EHHADH: variants seen among roughly 807,000 people sequenced by gnomAD.
EHHADH encodes enoyl-CoA hydratase and 3-hydroxyacyl CoA dehydrogenase, also known as peroxisomal bifunctional enzyme.
In EHHADH, 48 loss-of-function variants were observed where a neutral mutation model predicts 64.4. The observed-to-expected ratio is 0.75, with a 90% confidence interval of 0.59 to 0.95. The LOEUF is 0.95. Among genes scored for constraint, EHHADH ranks in the 40% least tolerant of loss-of-function variants. The pLI is 0.00. For missense variants in EHHADH, 854 were observed against 876.6 expected, an observed-to-expected ratio of 0.97 and a Z score of 0.33; for synonymous variants, 308 against 326.7, an observed-to-expected ratio of 0.94 and a Z score of 0.62.
chr3:185,220,795 C>T (rs1344287289), intron 4 of EHHADH, among the ~76,000 whole-genome samples: 4 of 152,210 alleles, frequency 2.6e-5, no homozygotes, highest in African/African-American at 7.2e-5. Flanking sequence ...GTTTCTTCTC[C>T]AACCTGAGTA....
intron 6 of EHHADH, among the ~76,000 whole-genome samples, chr3:185,204,173 C>G (rs1384794029): frequency 4.0e-5 from 6 of 150,512 alleles, no homozygotes; most frequent in African/African-American, 1.5e-4. Context: ...AAAACATTCC[C>G]AGTCTGGAGT....
intron 2 of EHHADH, chr3:185,245,802 T>A: frequency 4.1e-6 from 3 of 733,058 alleles, no homozygotes; most frequent in Non-Finnish European, 7.3e-6. Flanking sequence ...GAAGAAGTTT[T>A]CTTGGTTCCT....
At chr3:185,211,559 GTC>G (rs144431357) in intron 5 of EHHADH, among the ~76,000 whole-genome samples, 66 of 149,514 alleles carry the variant, frequency 4.4e-4, no homozygotes, top group Non-Finnish European at 5.7e-4. Context: ...CAAGGAATCT[GTC>G]TCTCTCTCTC....
rs140291740 is a variant in EHHADH, at chr3:185,201,744, T to TA, written c.910+2671dup. Among the ~76,000 whole-genome samples, 1,110 of 152,292 alleles carry TA rather than the reference T, an allele frequency of 7.3e-3. 13 individuals are homozygous for TA. Among genetic ancestry groups the TA allele is most frequent in the African/African-American group, 0.026 (1,067 of 41,566 alleles). ...TTTCAAAACAATGTGGATATCATTT[T>TA]AAAAAAATACTTCAAACTTTTACAC... On this transcript the variant is annotated intron_variant, in intron 6 of 6. Coordinates refer to ENST00000231887, the MANE Select transcript of EHHADH (RefSeq NM_001966.4).
chr3:185,240,216 T>C (rs1719409890), intron 2 of EHHADH, among the ~76,000 whole-genome samples: 2 of 149,298 alleles, frequency 1.3e-5, no homozygotes, highest in Admixed American at 1.4e-4. Context: ...TATTGGCCTT[T>C]AGTTTTTGTT....
intron 2 of EHHADH, among the ~76,000 whole-genome samples, chr3:185,236,092 C>T (rs980784720): frequency 3.3e-5 from 5 of 152,074 alleles, no homozygotes; most frequent in Admixed American, 3.3e-4. Context: ...GAAAACCACG[C>T]AAAATTAAAA....
At position 185,193,205 on chromosome 3, in the gene EHHADH, G is replaced by A. The variant is rs147222564; in HGVS notation, c.1193C>T (p.Ala398Val). 1.9e-6 allele frequency: 3 copies of A among 1,611,482 alleles called. No homozygotes were observed. Among genetic ancestry groups the A allele is most frequent in the African/African-American group, 1.3e-5 (1 of 74,766 alleles). Residue 398 changes from alanine to valine, a missense_variant, in exon 7 of 7, where the codon GCT (alanine) becomes GTT (valine). Coordinates refer to ENST00000231887, the MANE Select transcript of EHHADH (RefSeq NM_001966.4). ...LKKQVFAELSAVCKPEAFLCT... is the reference protein window; with the variant it reads ...LKKQVFAELSVVCKPEAFLCT... ...CAAAAATGCTTCTGGTTTGCACACA[G>A]CTGAGAGTTCAGCAAAGACCTGCTT... is the stretch of plus-strand genomic sequence containing the variant.
chr3:185,227,449 G>A (rs984544182), intron 4 of EHHADH, among the ~76,000 whole-genome samples: 9 of 149,704 alleles, frequency 6.0e-5, no homozygotes, highest in Admixed American at 2.7e-4. Context: ...GGAGAATTGC[G>A]TGAACTCAGG....
chr3:185,224,836 C>A (rs768268995), intron 4 of EHHADH, among the ~76,000 whole-genome samples: 14 of 152,184 alleles, frequency 9.2e-5, no homozygotes, highest in Non-Finnish European at 1.6e-4. Context: ...TCTTCTCTGA[C>A]CTTCTGCTTC....
chr3:185,199,557 C>T (rs746849677), intron 6 of EHHADH, among the ~76,000 whole-genome samples: 3 of 152,134 alleles, frequency 2.0e-5, no homozygotes, highest in African/African-American at 7.2e-5. Flanking sequence ...CGCCCACTGC[C>T]GATTTTTGCA....
intron 2 of EHHADH, 187 bp downstream of exon 2, chr3:185,248,227 C>T: frequency 1.7e-6 from 1 of 575,372 alleles, no homozygotes; most frequent in South Asian, 2.3e-5. Flanking sequence ...ATAAAAGAGA[C>T]TAAGCCCTTC....
chr3:185,241,482 A>G lies in EHHADH; in HGVS notation c.179-6020T>C, dbSNP rs565996824. On this transcript the variant is annotated intron_variant, in intron 2 of 6. Transcript: ENST00000231887. ...ACATCTACTGTTTTTTGATTTTTTG[A>G]TTATGACCATTCTTGCGGGAGTAAG... 8.5e-5 allele frequency among the ~76,000 whole-genome samples: 13 copies of G among 152,092 alleles called. No individual in the cohort carries two copies. In the South Asian group the frequency reaches 2.5e-3, roughly 29 times the overall value.
At chr3:185,214,801 T>G (rs1718639671) in intron 5 of EHHADH, among the ~76,000 whole-genome samples, 2 of 152,248 alleles carry the variant, frequency 1.3e-5, no homozygotes, top group Non-Finnish European at 2.9e-5. Context: ...TTTTACATAA[T>G]TAATTTCCCA....
At chr3:185,226,897 A>G (rs923015318) in intron 4 of EHHADH, 1 of 152,228 alleles carries the variant, frequency 6.6e-6, no homozygotes, top group Non-Finnish European at 1.5e-5. Context: ...ATGAAATATG[A>G]CAATGATGAT....
At chr3:185,202,327 A>G (rs1211947391) in intron 6 of EHHADH, among the ~76,000 whole-genome samples, 2 of 127,660 alleles carry the variant, frequency 1.6e-5, no homozygotes, top group African/African-American at 6.2e-5. Context: ...TGACAGAGCG[A>G]AACTCCATAT....
Position 185,235,942 on chromosome 3 carries a change from G to T in EHHADH, c.179-480C>A, listed in dbSNP as rs769489133. 2.0e-5 allele frequency among the ~76,000 whole-genome samples: 3 copies of T among 152,160 alleles called. No individual in the cohort carries two copies. In the East Asian group the frequency reaches 5.8e-4, roughly 29 times the overall value. ...AGTCATCACAATATAAAATATCAGGGTAACATGTATACATATTTATGAGTT... is the reference window on the plus strand; with the variant it reads ...AGTCATCACAATATAAAATATCAGGTTAACATGTATACATATTTATGAGTT... On this transcript the variant is annotated intron_variant, in intron 2 of 6. Coordinates refer to ENST00000231887, the MANE Select transcript of EHHADH (RefSeq NM_001966.4).
intron 2 of EHHADH, among the ~76,000 whole-genome samples, chr3:185,237,936 T>C (rs777232140): frequency 3.9e-5 from 6 of 152,272 alleles, no homozygotes; most frequent in Admixed American, 3.3e-4. Context: ...CCTATGTCTA[T>C]TACTTCCCTC....
At position 185,193,525 on chromosome 3, in the gene EHHADH, G is replaced by A. The variant is rs745759737; in HGVS notation, c.911-38C>T. The stretch of plus-strand genomic sequence containing the variant: ...ATCAAAGGAGAAAAAGAATGATTCA[G>A]TGGTATTGGGAACTGATAAATTATT... On this transcript the variant is annotated intron_variant, in intron 6 of 6. Coordinates refer to ENST00000231887, the MANE Select transcript of EHHADH (RefSeq NM_001966.4). 4 of 1,602,506 alleles carry A rather than the reference G, an allele frequency of 2.5e-6. No homozygotes were observed. The African/African-American group carries it at 4.0e-5, about 16-fold the overall frequency.
Position 185,208,272 on chromosome 3 carries a change from C to A in EHHADH, c.569-3515G>T, listed in dbSNP as rs566723877. On this transcript the variant is annotated intron_variant, in intron 5 of 6. Coordinates refer to ENST00000231887, the MANE Select transcript of EHHADH (RefSeq NM_001966.4). ...CAGCCCATACGGAACTGAATCCTAC[C>A]AACAACCGCTTGAGTGAGTTTGAAA... 1.9e-4 allele frequency among the ~76,000 whole-genome samples: 29 copies of A among 152,324 alleles called. 1 individual carries two copies. The East Asian group carries it at 5.2e-3, about 27-fold the overall frequency.
Sources: allele counts gnomAD v4.1 joint callset (sites outside exome capture counted in the v4.1 genomes callset), GRCh38; gene constraint gnomAD v4.1.1; transcripts MANE v1.5; gene names NCBI Gene and HGNC (gene_info 2026-07-23, HGNC 2026-07-21).